Variants in FBXO39 observed in about 807,000 individuals in gnomAD.
FBXO39 encodes F-box only protein 39.
In FBXO39, 22 loss-of-function variants were observed where a neutral mutation model predicts 36.6. The ratio of observed to expected loss-of-function variants is 0.60; its 90% confidence interval spans 0.43 to 0.86. The LOEUF is 0.86. FBXO39 is among the 40% of genes least tolerant of loss of function. FBXO39 has a pLI of 0.00. For missense variants in FBXO39, 536 were observed against 543.9 expected, an observed-to-expected ratio of 0.99 and a Z score of 0.14; for synonymous variants, 206 against 205.8, an observed-to-expected ratio of 1.00 and a Z score of -0.01.
intron 3 of FBXO39, 47 bp from the exon 4 acceptor site, chr17:6,787,253 T>TGTGCGCGCGC (rs138181464): frequency 6.8e-7 from 1 of 1,477,226 alleles, no homozygotes; most frequent in African/African-American, 1.5e-5. Context: ...TGTGTGTGTG[T>TGTGCGCGCGC]GCGTGTGTGC....
Position 6,787,419 on chromosome 17 carries a change from T to C in FBXO39, c.1320T>C (p.Ser440=). Reference sequence around the variant, plus strand: ...TTAGCTATTTTGTCATCGTTTACTCTGTGATGTAATGAGCACTCTACAGAT... The same window carrying C: ...TTAGCTATTTTGTCATCGTTTACTCCGTGATGTAATGAGCACTCTACAGAT... The part of the protein sequence containing the change: ...SELSYFVIVY[S]VM The change falls in exon 4 of 4, where the codon TCT becomes TCC. Residue 440 remains serine (S), a synonymous_variant. Transcript: ENST00000321535. 6.2e-7 allele frequency: 1 copy of C among 1,613,988 alleles called. No homozygotes were observed. The highest frequency in any genetic ancestry group is 8.5e-7 in the Non-Finnish European group (1 of 1,179,886).
rs746771101 is a variant in FBXO39, at chr17:6,787,408, A to G, written c.1309A>G (p.Ile437Val). ...LIESELSYFVIVYSVM is the reference protein window; with the variant it reads ...LIESELSYFVVVYSVM ...CGAATCAGAGCTTAGCTATTTTGTC[A>G]TCGTTTACTCTGTGATGTAATGAGC... Residue 437 changes from isoleucine (I) to valine (V), a missense_variant, in exon 4 of 4, where the codon ATC becomes GTC. Physicochemically the swap from Ile to Val is conservative, Grantham distance 29. Coordinates refer to ENST00000321535, the MANE Select transcript of FBXO39 (RefSeq NM_153230.3). 1 of 1,614,070 alleles carries G rather than the reference A, an allele frequency of 6.2e-7. No individual in the cohort carries two copies. The highest frequency in any genetic ancestry group is 1.7e-5 in the Admixed American group (1 of 60,004).
chr17:6,786,887 T>A lies in FBXO39; in HGVS notation c.1131T>A (p.Leu377=), dbSNP rs1976579549. The part of the protein sequence containing the change: ...KLFYFKIWAF[L]DVSFVERILK... The stretch of plus-strand genomic sequence containing the variant: ...TTTACTTCAAAATCTGGGCTTTCCT[T>A]GATGTTAGTTTTGTGGAGCGGATCC... Residue 377 remains leucine, a synonymous_variant, in exon 3 of 4, where the codon CTT becomes CTA. Coordinates refer to ENST00000321535, the MANE Select transcript of FBXO39 (RefSeq NM_153230.3). 1 of 1,613,940 alleles carries A rather than the reference T, an allele frequency of 6.2e-7. No homozygotes were observed. The highest frequency in any genetic ancestry group is 1.3e-5 in the African/African-American group (1 of 74,924).
At chr17:6,776,689 A>G (rs1189071738) in intron 1 of FBXO39, among the ~76,000 whole-genome samples, 2 of 152,090 alleles carry the variant, frequency 1.3e-5, no homozygotes, top group African/African-American at 4.8e-5. Context: ...TTTCTTATTA[A>G]TGGCAGCCAG....
At position 6,787,331 on chromosome 17, in the gene FBXO39, A is replaced by C; in HGVS notation, c.1232A>C (p.Asn411Thr). 1 of 1,614,032 alleles carries C rather than the reference A, an allele frequency of 6.2e-7. No homozygotes were observed. Among genetic ancestry groups the C allele is most frequent in the Non-Finnish European group, 8.5e-7 (1 of 1,179,986 alleles). Residue 411 changes from asparagine (N) to threonine (T), a missense_variant, in exon 4 of 4, where the codon AAT becomes ACT. Transcript: ENST00000321535. ...ARIYTNRYET[N>T]EEDKTLQEIY... ...ATTTATACAAACAGATATGAGACGA[A>C]TGAAGAGGACAAGACCCTGCAGGAA...
At chr17:6,785,703 T>G (rs1326133140) in intron 2 of FBXO39, among the ~76,000 whole-genome samples, 1 of 152,132 alleles carries the variant, frequency 6.6e-6, no homozygotes. Flanking sequence ...CTTGAACAGA[T>G]ATTTCTCAAA....
rs202118146 is a variant in FBXO39, at chr17:6,784,949, GTGTGTA to G, written c.1024-1829_1024-1824del. Among the ~76,000 whole-genome samples the G allele has an allele frequency of 2.3e-3, 309 of 131,628 alleles. 2 individuals are homozygous for G. Among genetic ancestry groups the G allele is most frequent in the Non-Finnish European group, 3.7e-3 (242 of 65,488 alleles). 86.4% of individuals were successfully genotyped at this position (131,628 alleles called of 152,430 possible). A position where few individuals can be genotyped will look rare whatever the true frequency, so the allele number is the denominator to read the frequency against. ...TATATATGTGTGTGTGTGTGTGTGT[GTGTGTA>G]TATATATATATGGAACCACAAAAGA... On this transcript the variant is annotated intron_variant, in intron 2 of 3. Transcript: ENST00000321535.
At chr17:6,785,390 G>A (rs1597777133) in intron 2 of FBXO39, among the ~76,000 whole-genome samples, 1 of 152,078 alleles carries the variant, frequency 6.6e-6, no homozygotes, top group Non-Finnish European at 1.5e-5. Flanking sequence ...CTATGAAACT[G>A]CTACAAGAAA....
At chr17:6,786,381 A>T (rs1341108063) in intron 2 of FBXO39, among the ~76,000 whole-genome samples, 1 of 152,174 alleles carries the variant, frequency 6.6e-6, no homozygotes, top group Non-Finnish European at 1.5e-5. Context: ...GGAAGTGGGG[A>T]TGGCTAATGG....
At chr17:6,787,084 T>A (rs1190094179) in intron 3 of FBXO39, 128 bp downstream of exon 3, 1 of 1,344,360 alleles carries the variant, frequency 7.4e-7, no homozygotes, top group Non-Finnish European at 1.0e-6. Flanking sequence ...ATCAGCAGTT[T>A]CAAAGAAGGG....
chr17:6,778,330 G>A (rs796728363), intron 1 of FBXO39, among the ~76,000 whole-genome samples: 51 of 152,276 alleles, frequency 3.3e-4, no homozygotes, highest in African/African-American at 1.2e-3. Flanking sequence ...ACTAGAGAGG[G>A]GTCTTGCACA....
At chr17:6,782,574 T>C (rs953217997) in intron 2 of FBXO39, among the ~76,000 whole-genome samples, 5 of 151,840 alleles carry the variant, frequency 3.3e-5, no homozygotes, top group African/African-American at 9.7e-5. Context: ...AATAAAGAGA[T>C]GGGAAATGAT....
chr17:6,776,808 C>A (rs1329861764), intron 1 of FBXO39, among the ~76,000 whole-genome samples: 2 of 152,048 alleles, frequency 1.3e-5, no homozygotes, highest in East Asian at 3.9e-4. Context: ...ATTATTACCC[C>A]ATATACAGAT....
In FBXO39 at chr17:6,780,048, C is replaced by A. The variant is rs747137501; in HGVS notation, c.180C>A (p.Thr60=). 1 of 1,614,186 alleles carries A rather than the reference C, an allele frequency of 6.2e-7. No homozygotes were observed. Among genetic ancestry groups the A allele is most frequent in the South Asian group, 1.1e-5 (1 of 91,078 alleles). Residue 60 remains threonine, a synonymous_variant, in exon 2 of 4, where the codon ACC becomes ACA. Transcript: ENST00000321535. ...MYSAELWRYR[T]ITFSGRPSRV... ...CTGCTGAGCTCTGGCGGTACAGAAC[C>A]ATCACCTTCAGCGGGAGACCTTCCA...
chr17:6,787,269 C>A (rs1363366572), intron 3 of FBXO39, 31 bp from the exon 4 acceptor site: 2 of 1,529,922 alleles, frequency 1.3e-6, no homozygotes, highest in South Asian at 1.1e-5. Context: ...TGTGCGTGCT[C>A]ATATGTGGAT....
chr17:6,778,231 G>A (rs1010444916), intron 1 of FBXO39, among the ~76,000 whole-genome samples: 3 of 152,190 alleles, frequency 2.0e-5, no homozygotes, highest in Non-Finnish European at 4.4e-5. Flanking sequence ...CAGACAAAAA[G>A]ACACACGTCA....
Position 6,780,189 on chromosome 17 carries a change from G to A in FBXO39, c.321G>A (p.Lys107=), listed in dbSNP as rs774331786. The change falls in exon 2 of 4, where the codon AAG becomes AAA. Residue 107 remains lysine, a synonymous_variant. Coordinates refer to ENST00000321535, the MANE Select transcript of FBXO39 (RefSeq NM_153230.3). ...MNPYNAVLTK[K]FQVTMRGLLS... is the part of the protein sequence containing the mutation. ...CTTACAATGCTGTCTTGACCAAGAA[G>A]TTCCAGGTCACCATGCGGGGCCTCC... The A allele has an allele frequency of 2.5e-6, 4 of 1,614,086 alleles. No homozygotes were observed. Among genetic ancestry groups the A allele is most frequent in the Admixed American group, 1.7e-5 (1 of 60,006 alleles).
chr17:6,778,355 G>T (rs1509124), intron 1 of FBXO39, among the ~76,000 whole-genome samples: 1 of 152,216 alleles, frequency 6.6e-6, no homozygotes, highest in African/African-American at 2.4e-5. Flanking sequence ...AATAATGTCA[G>T]TCCTGAATTG....
chr17:6,785,889 C>T (rs1976564578), intron 2 of FBXO39, among the ~76,000 whole-genome samples: 1 of 152,140 alleles, frequency 6.6e-6, no homozygotes, highest in African/African-American at 2.4e-5. Context: ...AGGAAATTCT[C>T]ATACACAGTT....
Sources: gnomAD v4.1 joint callset for allele counts (sites outside exome capture counted in the v4.1 genomes callset) on GRCh38, gnomAD v4.1.1 for gene constraint, MANE v1.5 for transcripts, NCBI Gene and HGNC (gene_info 2026-07-23, HGNC 2026-07-21) for gene names.